AFG1L: variants seen among roughly 807,000 people sequenced by gnomAD.
The protein encoded by AFG1L is AFG1-like ATPase.
Under a neutral mutation model 62.2 loss-of-function variants are expected in AFG1L, and 53 were observed. The observed-to-expected ratio is 0.85, with a 90% CI of 0.68 to 1.07. AFG1L has a LOEUF of 1.07. Among genes scored for constraint, AFG1L ranks in the 50% least tolerant of loss-of-function variants. AFG1L has a pLI of 0.00. For missense variants in AFG1L, 555 were observed against 590.5 expected (o/e 0.94, Z 0.62); for synonymous variants, 228 against 210.3 (o/e 1.08, Z -0.73).
intron 7 of AFG1L, among the ~76,000 whole-genome samples, chr6:108,445,324 A>T (rs1771722396): frequency 6.6e-6 from 1 of 152,232 alleles, no homozygotes; most frequent in Non-Finnish European, 1.5e-5. Flanking sequence ...ACTTTTCTCC[A>T]TATCAATAAT....
intron 10 of AFG1L, among the ~76,000 whole-genome samples, chr6:108,480,757 C>T (rs2114824539): frequency 6.6e-6 from 1 of 152,230 alleles, no homozygotes; most frequent in Non-Finnish European, 1.5e-5. Context: ...AAGATCACAC[C>T]ACTGCATTCC....
At chr6:108,339,167 T>C (rs1469480136) in intron 2 of AFG1L, among the ~76,000 whole-genome samples, 2 of 152,076 alleles carry the variant, frequency 1.3e-5, no homozygotes, top group African/African-American at 4.8e-5. Context: ...TTTTTTTTTT[T>C]TGAGACAGAT....
rs549950397 is a variant in AFG1L at position 108,510,691 on chromosome 6, C to T, written c.1203+339C>T. Among the ~76,000 whole-genome samples, 6 of 152,332 alleles carry T rather than the reference C, an allele frequency of 3.9e-5. No homozygotes were observed. The East Asian group carries it at 5.8e-4, about 15-fold the overall frequency. On this transcript the variant is annotated intron_variant, in intron 11 of 12. Coordinates refer to ENST00000368977, the MANE Select transcript of AFG1L (RefSeq NM_145315.5). ...GCATCATTCTACCAGACAGCTTATG[C>T]GCTTCATCTATCACGTTCTAAAACA...
chr6:108,421,652 A>G (rs1290696874), intron 7 of AFG1L, among the ~76,000 whole-genome samples: 1 of 150,336 alleles, frequency 6.7e-6, no homozygotes, highest in Non-Finnish European at 1.5e-5. Context: ...GCTTTAGACC[A>G]AGGACTTTTG....
chr6:108,399,183 T>G (rs1451504681), intron 6 of AFG1L, among the ~76,000 whole-genome samples: 5 of 113,204 alleles, frequency 4.4e-5, no homozygotes, highest in African/African-American at 1.7e-4. Context: ...TGTTTGTTTT[T>G]TTTTTTTTTT....
chr6:108,311,989 C>T (rs769584667), intron 1 of AFG1L, among the ~76,000 whole-genome samples: 4 of 152,008 alleles, frequency 2.6e-5, no homozygotes, highest in Admixed American at 6.6e-5. Flanking sequence ...CTCAGCCTCC[C>T]GAGTAGCTGG....
intron 11 of AFG1L, among the ~76,000 whole-genome samples, chr6:108,511,264 T>G (rs1056598803): frequency 6.6e-6 from 1 of 152,074 alleles, no homozygotes; most frequent in Non-Finnish European, 1.5e-5. Flanking sequence ...ATTGAAGCTC[T>G]CTCTCTCCCT....
intron 8 of AFG1L, among the ~76,000 whole-genome samples, chr6:108,474,880 C>T (rs1243141497): frequency 6.6e-6 from 1 of 152,138 alleles, no homozygotes; most frequent in Admixed American, 6.5e-5. Flanking sequence ...TGTGCAGAAG[C>T]TCTTTAGTTT....
intron 10 of AFG1L, among the ~76,000 whole-genome samples, chr6:108,485,237 C>T (rs1773492536): frequency 6.6e-6 from 1 of 152,148 alleles, no homozygotes; most frequent in Non-Finnish European, 1.5e-5. Context: ...CCATGGACTT[C>T]TCAGACTCAG....
chr6:108,385,505 C>G (rs776505584), intron 6 of AFG1L, among the ~76,000 whole-genome samples: 1 of 152,218 alleles, frequency 6.6e-6, no homozygotes, highest in Non-Finnish European at 1.5e-5. Flanking sequence ...TGTAGTTAAT[C>G]TATAATCCAT....
intron 1 of AFG1L, among the ~76,000 whole-genome samples, chr6:108,321,102 T>C (rs1262294536): frequency 6.6e-6 from 1 of 152,162 alleles, no homozygotes; most frequent in East Asian, 1.9e-4. Flanking sequence ...GTAAAAGGGC[T>C]CAGTCCCATA....
chr6:108,316,655 T>TC (rs1213037981), intron 1 of AFG1L, among the ~76,000 whole-genome samples: 2 of 149,464 alleles, frequency 1.3e-5, no homozygotes, highest in East Asian at 2.1e-4. Flanking sequence ...TGCCTCAGCC[T>TC]CCGAGTAGCT....
At chr6:108,448,675 AC>A (rs1254408925) in intron 8 of AFG1L, among the ~76,000 whole-genome samples, 1 of 152,102 alleles carries the variant, frequency 6.6e-6, no homozygotes, top group African/African-American at 2.4e-5. Context: ...TTTGTCTCTG[AC>A]TTACCCTGTG....
At chr6:108,366,518 G>A (rs1157257500) in intron 6 of AFG1L, among the ~76,000 whole-genome samples, 186 bp downstream of exon 6, 2 of 150,934 alleles carry the variant, frequency 1.3e-5, no homozygotes, top group African/African-American at 4.9e-5. Flanking sequence ...TGTATCCTTA[G>A]CAAGCTAAAT....
intron 1 of AFG1L, among the ~76,000 whole-genome samples, chr6:108,311,551 G>T (rs148883611): frequency 3.0e-4 from 46 of 151,804 alleles, no homozygotes; most frequent in African/African-American, 1.1e-3. Flanking sequence ...TTTTGAGATA[G>T]ATGTGTTGGT....
At chr6:108,301,354 G>A (rs894410251) in intron 1 of AFG1L, among the ~76,000 whole-genome samples, 5 of 152,148 alleles carry the variant, frequency 3.3e-5, no homozygotes, top group Non-Finnish European at 7.3e-5. Flanking sequence ...GGAGTTGCTC[G>A]AGTTCAAATG....
At chr6:108,499,514 G>T (rs1378443846) in intron 10 of AFG1L, among the ~76,000 whole-genome samples, 1 of 150,868 alleles carries the variant, frequency 6.6e-6, no homozygotes, top group Admixed American at 6.6e-5. Context: ...AAGGTGTTTG[G>T]GATTGCTTGA....
chr6:108,480,589 G>A (rs941372579), intron 10 of AFG1L, among the ~76,000 whole-genome samples: 1 of 152,128 alleles, frequency 6.6e-6, no homozygotes, highest in African/African-American at 2.4e-5. Context: ...CATGAGGTCA[G>A]GAGTTCAAGA....
At chr6:108,399,219 C>G (rs574517129) in intron 6 of AFG1L, among the ~76,000 whole-genome samples, 72 of 109,394 alleles carry the variant, frequency 6.6e-4, no homozygotes, top group African/African-American at 2.5e-3. Flanking sequence ...GACGGAGTCT[C>G]ACTCTGTCGC....
Sources: allele counts gnomAD v4.1 joint callset (sites outside exome capture counted in the v4.1 genomes callset), GRCh38; gene constraint gnomAD v4.1.1; transcripts MANE v1.5; gene names NCBI Gene and HGNC (gene_info 2026-07-23, HGNC 2026-07-21).